Variants in SCARB2 observed in about 807,000 individuals in gnomAD.
SCARB2 encodes lysosome membrane protein 2.
In SCARB2, 29 loss-of-function variants were observed where a neutral mutation model predicts 58.6. The observed-to-expected ratio is 0.49, with a 90% CI of 0.37 to 0.67. The LOEUF is 0.67. Among genes scored for constraint, SCARB2 ranks in the 30% least tolerant of loss-of-function variants. The pLI, the probability that SCARB2 is intolerant of heterozygous loss-of-function variation, is 0.00. For synonymous variants in SCARB2, 195 were observed against 210.1 expected (o/e 0.93, Z 0.62); for missense variants, 488 against 578.5 (o/e 0.84, Z 1.60).
intron 1 of SCARB2, among the ~76,000 whole-genome samples, chr4:76,199,537 A>C (rs1022826372): frequency 6.6e-6 from 1 of 152,260 alleles, no homozygotes; most frequent in African/African-American, 2.4e-5. Flanking sequence ...GATACATCGG[A>C]CTGAACCGAA....
intron 1 of SCARB2, among the ~76,000 whole-genome samples, chr4:76,227,733 T>C (rs887319709): frequency 1.3e-5 from 2 of 152,160 alleles, no homozygotes; most frequent in African/African-American, 2.4e-5. Context: ...ATACTTAGGA[T>C]TGTGATATTT....
In SCARB2 at chr4:76,210,669, A is replaced by G. The variant is rs527879119; in HGVS notation, c.117+2758T>C. On this transcript the variant is annotated intron_variant, in intron 1 of 11. Coordinates refer to ENST00000264896, the MANE Select transcript of SCARB2 (RefSeq NM_005506.4). ...TGAGAAAATTGAAGCAGAAACAATT[A>G]CAGGCCTTGCCCAATACGAGGCAGT... Among the ~76,000 whole-genome samples the G allele has an allele frequency of 4.6e-5, 7 of 152,386 alleles. No individual in the cohort carries two copies. The South Asian group carries it at 1.4e-3, about 32-fold the overall frequency.
intron 2 of SCARB2, among the ~76,000 whole-genome samples, chr4:76,187,002 T>C (rs1226024424): frequency 2.6e-5 from 4 of 151,776 alleles, no homozygotes; most frequent in African/African-American, 9.8e-5. Flanking sequence ...TGTCTCTTTA[T>C]GTTAAAAAAA....
chr4:76,227,657 A>G (rs898170243), intron 1 of SCARB2, among the ~76,000 whole-genome samples: 1 of 149,580 alleles, frequency 6.7e-6, no homozygotes, highest in Non-Finnish European at 1.5e-5. Context: ...GTTACCATCT[A>G]TCTCATTTCT....
chr4:76,169,867 A>C lies in SCARB2; in HGVS notation c.1113T>G (p.Pro371=). 1 of 1,605,842 alleles carries C rather than the reference A, an allele frequency of 6.2e-7. No individual in the cohort carries two copies. Among genetic ancestry groups the C allele is most frequent in the Non-Finnish European group, 8.5e-7 (1 of 1,172,450 alleles). Residue 371 remains proline, a splice_region_variant and synonymous_variant, in exon 8 of 12, where the codon CCT becomes CCG. Transcript: ENST00000264896. ...EDHETFVDIN[P]LTGIILKAAK... ...TTACCAGGAGGAAGTATGTACTCAC[A>C]GGATTAATGTCCACAAATGTCTCAT...
In SCARB2 at chr4:76,163,320, T is replaced by C. The variant is rs1002686644; in HGVS notation, c.1303A>G (p.Ile435Val). The C allele has an allele frequency of 3.1e-6, 5 of 1,614,118 alleles. No individual in the cohort carries two copies. In the African/African-American group the frequency reaches 6.7e-5, roughly 22 times the overall value. Residue 435 changes from isoleucine (I) to valine (V), a missense_variant, in exon 11 of 12, where the codon ATC becomes GTC. Transcript: ENST00000264896. ...ATGATGATGTAGGGTATGTTGGTGA[T>C]GATCAAAGTAGTGTTAATCATAGAC... ...LKSMINTTLI[I>V]TNIPYIIMAL...
At chr4:76,169,125 G>C (rs1392640754) in intron 8 of SCARB2, among the ~76,000 whole-genome samples, 1 of 152,138 alleles carries the variant, frequency 6.6e-6, no homozygotes, top group East Asian at 1.9e-4. Flanking sequence ...CAGAGCATAA[G>C]ATCACTGGTT....
intron 7 of SCARB2, 41 bp downstream of exon 7, chr4:76,174,103 A>T: frequency 6.2e-7 from 1 of 1,611,280 alleles, no homozygotes; most frequent in Admixed American, 1.7e-5. Context: ...ATCCTTCTGC[A>T]TTCTTGACAC....
chr4:76,188,404 T>C (rs1732531045), intron 2 of SCARB2, among the ~76,000 whole-genome samples: 1 of 152,230 alleles, frequency 6.6e-6, no homozygotes, highest in South Asian at 2.1e-4. Flanking sequence ...ATGCCCATCA[T>C]CTTTTTCCAA....
Position 76,161,320 on chromosome 4 carries a change from G to C in SCARB2, c.*393C>G. On this transcript the variant is annotated 3_prime_UTR_variant, in exon 12 of 12. Coordinates refer to ENST00000264896, the MANE Select transcript of SCARB2 (RefSeq NM_005506.4). ...ACATAAAATGGTATATACGCATTTT[G>C]AGCACAAAGTTCGGTGAATGAAGCA... 8.0e-6 allele frequency: 2 copies of C among 248,782 alleles called. No homozygotes were observed. Among genetic ancestry groups the C allele is most frequent in the East Asian group, 1.9e-4 (2 of 10,676 alleles). The allele number at this position is 248,782 out of a possible 1,614,324, so 15.4% of individuals were successfully genotyped here.
chr4:76,192,223 A>C (rs1732621028), intron 2 of SCARB2: 2 of 152,250 alleles, frequency 1.3e-5, no homozygotes, highest in African/African-American at 4.8e-5. Context: ...GCTCAGAAGA[A>C]GACAAGAAGA....
chr4:76,170,071 G>A (rs777131297), intron 7 of SCARB2, 86 bp from the exon 8 acceptor site: 16 of 1,223,904 alleles, frequency 1.3e-5, no homozygotes, highest in Admixed American at 1.2e-4. Context: ...CCACAGCCTG[G>A]TTCCTAAAGA....
chr4:76,210,083 T>C (rs916338058), intron 1 of SCARB2, among the ~76,000 whole-genome samples: 1 of 152,226 alleles, frequency 6.6e-6, no homozygotes, highest in African/African-American at 2.4e-5. Context: ...TAAGTTTCAA[T>C]TCACAGATGA....
chr4:76,213,662 CT>C lies in SCARB2; in HGVS notation c.-120del. The stretch of plus-strand genomic sequence containing the variant: ...GACCCTTCGGCGCCACGCCCACGCC[CT>C]CCCGGCGCACGGTTCGTGCGCGCAG... On this transcript the variant is annotated 5_prime_UTR_variant, in exon 1 of 12. Transcript: ENST00000264896. 2 of 763,632 alleles carry C rather than the reference CT, an allele frequency of 2.6e-6. No homozygotes were observed. Among genetic ancestry groups the C allele is most frequent in the Non-Finnish European group, 4.3e-6 (2 of 461,030 alleles). 47.3% of individuals were successfully genotyped at this position (763,632 alleles called of 1,614,324 possible).
At chr4:76,228,944 T>A (rs997426022) in intron 1 of SCARB2, among the ~76,000 whole-genome samples, 1 of 152,088 alleles carries the variant, frequency 6.6e-6, no homozygotes, top group African/African-American at 2.4e-5. Context: ...AACTTTTAAA[T>A]TTCTCTTCTT....
chr4:76,206,741 G>A lies in SCARB2; in HGVS notation c.117+6686C>T, dbSNP rs548794403. 3.3e-5 allele frequency among the ~76,000 whole-genome samples: 5 copies of A among 151,092 alleles called. No individual in the cohort carries two copies. In the South Asian group the frequency reaches 6.3e-4, roughly 19 times the overall value. ...TACGTCATATGGGTTGAAAATCCCCGCAGGGCTGAGGCCAGAAGGGAATTA... is the reference window on the plus strand; with the variant it reads ...TACGTCATATGGGTTGAAAATCCCCACAGGGCTGAGGCCAGAAGGGAATTA... On this transcript the variant is annotated intron_variant, in intron 1 of 11. Transcript: ENST00000264896.
chr4:76,208,492 T>C (rs566994920), intron 1 of SCARB2, among the ~76,000 whole-genome samples: 42 of 152,270 alleles, frequency 2.8e-4, no homozygotes, highest in African/African-American at 9.6e-4. Flanking sequence ...AGATGAAGCA[T>C]GTCTATGAGA....
rs78997049 is a variant in SCARB2 at position 76,205,784 on chromosome 4, C to T, written c.117+7643G>A. ...TTCTACAGAGAAACATGCCCTCCCC[C>T]ATTTCTGTTAAACACATGATCCTCT... On this transcript the variant is annotated intron_variant, in intron 1 of 11. Coordinates refer to ENST00000264896, the MANE Select transcript of SCARB2 (RefSeq NM_005506.4). Among the ~76,000 whole-genome samples, 66 of 152,334 alleles carry T rather than the reference C, an allele frequency of 4.3e-4. No homozygotes were observed. The East Asian group carries it at 0.01, about 24-fold the overall frequency.
At chr4:76,196,021 A>G (rs932226595) in intron 1 of SCARB2, among the ~76,000 whole-genome samples, 157 bp from the exon 2 acceptor site, 3 of 152,240 alleles carry the variant, frequency 2.0e-5, no homozygotes, top group African/African-American at 4.8e-5. Context: ...GAACAGGGCC[A>G]TATCTTACAC....
Sources: allele counts gnomAD v4.1 joint callset (sites outside exome capture counted in the v4.1 genomes callset), GRCh38; gene constraint gnomAD v4.1.1; transcripts MANE v1.5; gene names NCBI Gene and HGNC (gene_info 2026-07-23, HGNC 2026-07-21).